The following YEATS4 variants were observed in gnomAD, a reference collection of about 807,000 sequenced individuals.
YEATS4 encodes the protein YEATS domain containing 4.
A neutral mutation model predicts 30.1 loss-of-function variants in YEATS4; 17 were observed. That is an observed-to-expected ratio of 0.56 (90% confidence interval 0.39 to 0.85). YEATS4 has a LOEUF of 0.85. Among genes scored for constraint, YEATS4 ranks in the 40% least tolerant of loss-of-function variants. The pLI is 0.00. For missense variants in YEATS4, 142 were observed against 268.3 expected (o/e 0.53, Z 3.29); for synonymous variants, 85 against 87.5 (o/e 0.97, Z 0.16).
intron 6 of YEATS4, among the ~76,000 whole-genome samples, chr12:69,388,399 G>A (rs559357117): frequency 1.3e-5 from 2 of 152,130 alleles, no homozygotes; most frequent in Admixed American, 6.5e-5. Context: ...GTTAGCATTC[G>A]GCTAATAAGG....
chr12:69,382,399 C>T (rs1424373332), intron 6 of YEATS4, among the ~76,000 whole-genome samples: 3 of 152,162 alleles, frequency 2.0e-5, no homozygotes, highest in Non-Finnish European at 4.4e-5. Flanking sequence ...TGAGCTGGCA[C>T]CCAAGCTACA....
Position 69,362,291 on chromosome 12 carries a change from T to A in YEATS4, c.52-497T>A, listed in dbSNP as rs187230510. 5.8e-4 allele frequency among the ~76,000 whole-genome samples: 88 copies of A among 152,296 alleles called. 1 individual carries two copies. The highest frequency in any genetic ancestry group is 2.0e-3 in the African/African-American group (83 of 41,566). On this transcript the variant is annotated intron_variant, in intron 1 of 6. Transcript: ENST00000247843. ...CCTTGGTGAAATTGTAGGTTTTAAT[T>A]TCTAGTTACAGTTATTACTATTTTT...
chr12:69,408,201 C>G, the YEATS4 span, among the ~76,000 whole-genome samples: 1 of 152,194 alleles, frequency 6.6e-6, no homozygotes, highest in African/African-American at 2.4e-5. Context: ...ACAAGATCAT[C>G]GGAGTCATCA....
intron 6 of YEATS4, among the ~76,000 whole-genome samples, chr12:69,382,561 A>G (rs975358958): frequency 6.6e-6 from 1 of 152,226 alleles, no homozygotes; most frequent in African/African-American, 2.4e-5. Context: ...CTTGTGTTGA[A>G]TACTGCCAGG....
At chr12:69,407,293 C>T in the YEATS4 span, among the ~76,000 whole-genome samples, 1 of 152,120 alleles carries the variant, frequency 6.6e-6, no homozygotes, top group Non-Finnish European at 1.5e-5. Context: ...CTTCTCTAAG[C>T]TTCCATTTCC....
chr12:69,382,632 A>G (rs1165228201), intron 6 of YEATS4, among the ~76,000 whole-genome samples: 1 of 152,202 alleles, frequency 6.6e-6, no homozygotes, highest in East Asian at 1.9e-4. Flanking sequence ...CAGAGATGCC[A>G]TCCAAGGGCC....
At chr12:69,363,456 T>A (rs1482472902) in intron 2 of YEATS4, among the ~76,000 whole-genome samples, 2 of 152,230 alleles carry the variant, frequency 1.3e-5, no homozygotes, top group African/African-American at 4.8e-5. Context: ...TAACAAGAAC[T>A]ATTTATGCTA....
At chr12:69,396,174 C>G in the YEATS4 span, among the ~76,000 whole-genome samples, 2 of 152,202 alleles carry the variant, frequency 1.3e-5, no homozygotes, top group Non-Finnish European at 2.9e-5. Context: ...ATTCCTTAGT[C>G]TACCCTTAGT....
chr12:69,371,467 A>G (rs1247450237), intron 6 of YEATS4, among the ~76,000 whole-genome samples: 1 of 152,178 alleles, frequency 6.6e-6, no homozygotes, highest in African/African-American at 2.4e-5. Context: ...TTTCTCTCTA[A>G]GCTGACATGG....
At chr12:69,394,733 C>CA (rs1381231597), downstream of YEATS4, among the ~76,000 whole-genome samples, 2 of 152,050 alleles carry the variant, frequency 1.3e-5, no homozygotes, top group East Asian at 1.9e-4. Flanking sequence ...TCAAGCTCCT[C>CA]AAACTATAGG....
At chr12:69,418,382 G>C in the YEATS4 span, among the ~76,000 whole-genome samples, 1 of 152,166 alleles carries the variant, frequency 6.6e-6, no homozygotes, top group Non-Finnish European at 1.5e-5. Flanking sequence ...AATCCGGGAG[G>C]TGGAGGTTGC....
At chr12:69,379,583 ATTTTTTTTTTTTTTTTTTTTTT>A (rs61048163) in intron 6 of YEATS4, among the ~76,000 whole-genome samples, 8 of 72,272 alleles carry the variant, frequency 1.1e-4, no homozygotes, top group South Asian at 6.4e-4. Flanking sequence ...TGCCCAGCTA[ATTTTTTTTTTTTTTTTTTTTTT>A]TTTTTTTTTT....
the YEATS4 span, chr12:69,422,630 CAAAAAAAAAA>C: frequency 2.5e-4 from 10 of 40,492 alleles, no homozygotes; most frequent in East Asian, 5.8e-4. Context: ...GACCCTGTCT[CAAAAAAAAAA>C]AAAAAAAAAA....
the YEATS4 span, among the ~76,000 whole-genome samples, chr12:69,425,067 G>T: frequency 5.3e-5 from 8 of 151,986 alleles, no homozygotes; most frequent in Admixed American, 2.6e-4. Context: ...TTACAGGCAT[G>T]GGTCACCATG....
chr12:69,379,989 ATTCT>A (rs895540729), intron 6 of YEATS4, among the ~76,000 whole-genome samples: 17 of 152,078 alleles, frequency 1.1e-4, no homozygotes, highest in Admixed American at 9.8e-4. Flanking sequence ...AGGATTCTAA[ATTCT>A]TTATCTGTGT....
At chr12:69,379,415 C>T (rs1228462084) in intron 6 of YEATS4, among the ~76,000 whole-genome samples, 2 of 151,378 alleles carry the variant, frequency 1.3e-5, no homozygotes, top group African/African-American at 4.9e-5. Flanking sequence ...CTACCCCTAC[C>T]CTGCCTTTTT....
chr12:69,391,619 C>T (rs1422420855), downstream of YEATS4, among the ~76,000 whole-genome samples: 2 of 152,110 alleles, frequency 1.3e-5, no homozygotes, highest in Non-Finnish European at 2.9e-5. Context: ...TGTACAAAGG[C>T]CTCTGTGGTC....
rs373506202 is a variant in YEATS4 at position 69,390,427 on chromosome 12, C to T, written c.*111C>T. 4.2e-6 allele frequency: 4 copies of T among 941,604 alleles called. No homozygotes were observed. Among genetic ancestry groups the T allele is most frequent in the African/African-American group, 3.5e-5 (2 of 57,904 alleles). The allele number at this position is 941,604 out of a possible 1,614,324, so 58.3% of individuals were successfully genotyped here. ...ATGTTTCTTAGAGGAACTTCATATA[C>T]AGCTGTTGACCATGAATTTCTTAGC... On this transcript the variant is annotated 3_prime_UTR_variant, in exon 7 of 7. Transcript: ENST00000247843.
chr12:69,424,981 T>C, the YEATS4 span, among the ~76,000 whole-genome samples: 1 of 152,090 alleles, frequency 6.6e-6, no homozygotes, highest in Non-Finnish European at 1.5e-5. Context: ...GTGCAATGGC[T>C]CGATCTCGGC....
Sources: allele counts gnomAD v4.1 joint callset (sites outside exome capture counted in the v4.1 genomes callset), GRCh38; gene constraint gnomAD v4.1.1; transcripts MANE v1.5; gene names NCBI Gene and HGNC (gene_info 2026-07-23, HGNC 2026-07-21).